Variants in GAS2 observed in about 807,000 individuals in gnomAD.
GAS2 encodes growth arrest specific 2.
A neutral mutation model predicts 37.5 loss-of-function variants in GAS2; 20 were observed. The observed-to-expected ratio is 0.53, with a 90% CI of 0.37 to 0.77. GAS2 has a LOEUF of 0.77. Ranked by LOEUF, GAS2 falls within the 30% of genes least tolerant of loss-of-function variation. GAS2 has a pLI of 0.00. For synonymous variants in GAS2, 144 were observed against 132.2 expected (o/e 1.09, Z -0.61); for missense variants, 336 against 373.4 (o/e 0.90, Z 0.82).
At chr11:22,755,553 G>C (rs930353684) in intron 6 of GAS2, 3 of 213,840 alleles carry the variant, frequency 1.4e-5, no homozygotes, top group African/African-American at 6.9e-5. Flanking sequence ...TAGGAACCCA[G>C]CTGATTATGT....
At chr11:22,671,798 A>G (rs1367361074) in intron 1 of GAS2, among the ~76,000 whole-genome samples, 2 of 152,102 alleles carry the variant, frequency 1.3e-5, no homozygotes, top group Admixed American at 6.5e-5. Context: ...TCACCACAAT[A>G]TAATCATTTT....
At chr11:22,757,012 G>A (rs1390744072) in intron 7 of GAS2, among the ~76,000 whole-genome samples, 1 of 151,986 alleles carries the variant, frequency 6.6e-6, no homozygotes, top group Non-Finnish European at 1.5e-5. Context: ...AAATTTTACC[G>A]GGTTGACCTT....
intron 2 of GAS2, among the ~76,000 whole-genome samples, chr11:22,676,553 T>C (rs2133896501): frequency 6.6e-6 from 1 of 152,272 alleles, no homozygotes; most frequent in South Asian, 2.1e-4. Flanking sequence ...TCCTCATCTG[T>C]ACAGTGGTAA....
At position 22,655,346 on chromosome 11, in the gene GAS2, GA is replaced by G. The variant is rs373650417; in HGVS notation, c.-20-19500del. ...CAGATGTTTGTTTCCTTCGCCAATAGAAAATTCTTCAAGGACAGTATTCTGT... is the reference window on the plus strand; with the variant it reads ...CAGATGTTTGTTTCCTTCGCCAATAGAAATTCTTCAAGGACAGTATTCTGT... On this transcript the variant is annotated intron_variant, in intron 1 of 5. Coordinates refer to the GAS2 transcript ENST00000528582. 4.7e-3 allele frequency among the ~76,000 whole-genome samples: 722 copies of G among 152,216 alleles called. 3 individuals carry two copies. The highest frequency in any genetic ancestry group is 0.011 in the South Asian group (55 of 4,816).
chr11:22,667,661 A>G (rs1169123080), intron 1 of GAS2, among the ~76,000 whole-genome samples: 1 of 152,222 alleles, frequency 6.6e-6, no homozygotes, highest in Non-Finnish European at 1.5e-5. Flanking sequence ...TCAACTCAGT[A>G]TGGTAAATTA....
At chr11:22,730,440 T>C (rs1852416035) in intron 4 of GAS2, among the ~76,000 whole-genome samples, 1 of 151,808 alleles carries the variant, frequency 6.6e-6, no homozygotes, top group African/African-American at 2.4e-5. Flanking sequence ...CAGAATTCTA[T>C]GTTGTATCAT....
chr11:22,649,673 C>T (rs1848748012), intron 1 of GAS2, among the ~76,000 whole-genome samples: 1 of 152,284 alleles, frequency 6.6e-6, no homozygotes, highest in African/African-American at 2.4e-5. Context: ...GGAATGTATC[C>T]ATTTCTTCTA....
At chr11:22,708,067 A>T (rs1478028830) in intron 3 of GAS2, among the ~76,000 whole-genome samples, 3 of 151,382 alleles carry the variant, frequency 2.0e-5, no homozygotes, top group Non-Finnish European at 4.4e-5. Flanking sequence ...ATTGGAAAAC[A>T]ACAATGAGCT....
At chr11:22,641,496 C>G (rs529304652) in intron 1 of GAS2, among the ~76,000 whole-genome samples, 46 of 151,048 alleles carry the variant, frequency 3.0e-4, no homozygotes, top group African/African-American at 1.0e-3. Context: ...ATCCCTCCCC[C>G]CCACACACCC....
chr11:22,644,106 T>G lies in GAS2; in HGVS notation c.-21+18293T>G, dbSNP rs549411035. 5.9e-5 allele frequency among the ~76,000 whole-genome samples: 9 copies of G among 152,264 alleles called. 1 individual carries two copies. In the South Asian group the frequency reaches 1.9e-3, roughly 32 times the overall value. On this transcript the variant is annotated intron_variant, in intron 1 of 5. Transcript: ENST00000528582. ...GTAGATATGTAAACTCATTTTTAATTTCCTTTAAAGGATAATAGATGAATC... is the reference window on the plus strand; with the variant it reads ...GTAGATATGTAAACTCATTTTTAATGTCCTTTAAAGGATAATAGATGAATC...
intron 3 of GAS2, among the ~76,000 whole-genome samples, chr11:22,709,194 G>T (rs1343115232): frequency 7.4e-6 from 1 of 135,228 alleles, no homozygotes; most frequent in Non-Finnish European, 1.7e-5. Flanking sequence ...AGAGGTGAAT[G>T]CACAGCATGG....
At chr11:22,772,255 A>G (rs1307780258) in intron 7 of GAS2, among the ~76,000 whole-genome samples, 1 of 152,068 alleles carries the variant, frequency 6.6e-6, no homozygotes, top group South Asian at 2.1e-4. Flanking sequence ...AGTCGATTGA[A>G]CCCCTCTTCC....
At chr11:22,635,686 T>C (rs1285273733) in intron 1 of GAS2, among the ~76,000 whole-genome samples, 1 of 152,238 alleles carries the variant, frequency 6.6e-6, no homozygotes, top group Non-Finnish European at 1.5e-5. Flanking sequence ...GATTATATTG[T>C]GAATCTCCAC....
chr11:22,635,661 T>C (rs1027168967), intron 1 of GAS2, among the ~76,000 whole-genome samples: 1 of 152,188 alleles, frequency 6.6e-6, no homozygotes, highest in African/African-American at 2.4e-5. Flanking sequence ...ACCAAAGTGG[T>C]TCATCCCTGT....
At chr11:22,799,977 G>A (rs1017396568) in intron 7 of GAS2, among the ~76,000 whole-genome samples, 1 of 152,048 alleles carries the variant, frequency 6.6e-6, no homozygotes, top group African/African-American at 2.4e-5. Flanking sequence ...ACAATTCTCT[G>A]CATGTATAAA....
At chr11:22,733,601 T>A (rs956940956) in intron 4 of GAS2, among the ~76,000 whole-genome samples, 1 of 151,696 alleles carries the variant, frequency 6.6e-6, no homozygotes, top group Non-Finnish European at 1.5e-5. Context: ...CTTGCTTTAG[T>A]GGAAAGCCTC....
chr11:22,766,242 C>CTT (rs34345069), intron 7 of GAS2, among the ~76,000 whole-genome samples: 23,349 of 146,272 alleles, frequency 0.16, 1,841 homozygotes, highest in East Asian at 0.24. Flanking sequence ...TCCTCGGATT[C>CTT]TTTTTTTTTT....
intron 3 of GAS2, among the ~76,000 whole-genome samples, chr11:22,687,049 A>G (rs1193179417): frequency 6.6e-6 from 1 of 152,044 alleles, no homozygotes; most frequent in Non-Finnish European, 1.5e-5. Context: ...GCTGGGCTGG[A>G]TGTGGTGGCT....
At chr11:22,780,748 G>T (rs1855520078) in intron 7 of GAS2, among the ~76,000 whole-genome samples, 1 of 151,450 alleles carries the variant, frequency 6.6e-6, no homozygotes, top group Non-Finnish European at 1.5e-5. Context: ...ACTGGTGGTA[G>T]GTCTCAGACA....
Sources: gnomAD v4.1 joint callset for allele counts (sites outside exome capture counted in the v4.1 genomes callset) on GRCh38, gnomAD v4.1.1 for gene constraint, MANE v1.5 for transcripts, NCBI Gene and HGNC (gene_info 2026-07-23, HGNC 2026-07-21) for gene names.